LRP1B: variants seen among roughly 807,000 people sequenced by gnomAD.
LRP1B encodes the protein LDL receptor related protein 1B.
A neutral mutation model predicts 556.6 loss-of-function variants in LRP1B; 217 were observed. The ratio of observed to expected loss-of-function variants is 0.39; its 90% CI spans 0.35 to 0.44. LRP1B has a LOEUF of 0.44. LRP1B is among the 20% of genes least tolerant of loss of function. The pLI, the probability that LRP1B is intolerant of heterozygous loss-of-function variation, is 1.00. For missense variants in LRP1B, 5,053 were observed against 5,620.8 expected (o/e 0.90, Z 3.23); for synonymous variants, 2,047 against 1,865.8 (o/e 1.10, Z -2.50).
intron 60 of LRP1B, among the ~76,000 whole-genome samples, chr2:140,466,958 G>C (rs1030375445): frequency 6.6e-6 from 1 of 152,110 alleles, no homozygotes; most frequent in African/African-American, 2.4e-5. Context: ...TTTGATACAA[G>C]TGGTCAAAAA....
intron 1 of LRP1B, among the ~76,000 whole-genome samples, chr2:141,815,311 T>C (rs1428207242): frequency 6.6e-6 from 1 of 152,184 alleles, no homozygotes; most frequent in African/African-American, 2.4e-5. Context: ...GGATTAGTTT[T>C]AGAAATTTGA....
At chr2:141,381,208 A>G (rs1689630589) in intron 3 of LRP1B, among the ~76,000 whole-genome samples, 1 of 152,072 alleles carries the variant, frequency 6.6e-6, no homozygotes, top group Admixed American at 6.6e-5. Flanking sequence ...AAAGCCATGG[A>G]AAATATTAAA....
intron 42 of LRP1B, among the ~76,000 whole-genome samples, chr2:140,599,360 C>T (rs980450190): frequency 6.6e-6 from 1 of 151,940 alleles, no homozygotes; most frequent in Non-Finnish European, 1.5e-5. Context: ...CTGTTTTTTA[C>T]ATTTCTTTTT....
At chr2:140,530,901 G>A (rs1327212660) in intron 47 of LRP1B, among the ~76,000 whole-genome samples, 2 of 151,904 alleles carry the variant, frequency 1.3e-5, no homozygotes, top group Non-Finnish European at 2.9e-5. Context: ...CAAGAGTTTC[G>A]ACTAAAAAAG....
chr2:140,423,763 G>A (rs2105270333), intron 66 of LRP1B, among the ~76,000 whole-genome samples: 1 of 152,126 alleles, frequency 6.6e-6, no homozygotes, highest in Admixed American at 6.5e-5. Context: ...TTCCTAGTAT[G>A]TACCTACAGT....
Position 140,492,612 on chromosome 2 carries a change from T to C in LRP1B, c.9116A>G (p.Lys3039Arg), listed in dbSNP as rs2104862968. Residue 3039 changes from lysine (K) to arginine (R), a missense_variant, in exon 57 of 91, where the codon AAA becomes AGA. Coordinates refer to ENST00000389484, the MANE Select transcript of LRP1B (RefSeq NM_018557.3). Reference sequence around the variant, plus strand: ...GTCATCTTGGGAGTGTCATACCTGTTTTAAAAGTGTGTAGTTGGAGCCATC... The same window carrying C: ...GTCATCTTGGGAGTGTCATACCTGTCTTAAAAGTGTGTAGTTGGAGCCATC... ...STDGSNYTLL[K>R]QGLNNVIAID... is the part of the protein sequence containing the mutation. The C allele has an allele frequency of 6.2e-7, 1 of 1,611,584 alleles. No individual in the cohort carries two copies. Among genetic ancestry groups the C allele is most frequent in the South Asian group, 1.1e-5 (1 of 91,020 alleles).
At chr2:142,077,050 T>G (rs996246956) in intron 1 of LRP1B, among the ~76,000 whole-genome samples, 11 of 152,086 alleles carry the variant, frequency 7.2e-5, no homozygotes, top group Non-Finnish European at 5.9e-5. Context: ...AGATAATATA[T>G]GAATGGCATC....
At chr2:141,164,011 C>T (rs1448832750) in intron 7 of LRP1B, among the ~76,000 whole-genome samples, 2 of 151,956 alleles carry the variant, frequency 1.3e-5, no homozygotes, top group African/African-American at 4.8e-5. Flanking sequence ...CAAAATAAGA[C>T]TTTGAAAAGC....
At chr2:140,252,103 AAAAAAC>A (rs1681463145) in intron 86 of LRP1B, among the ~76,000 whole-genome samples, 1 of 147,416 alleles carries the variant, frequency 6.8e-6, no homozygotes, top group African/African-American at 2.5e-5. Context: ...AAAAAACAAA[AAAAAAC>A]AGAAAAAAAA....
chr2:140,626,909 G>T (rs906450883), intron 41 of LRP1B, among the ~76,000 whole-genome samples: 2 of 152,094 alleles, frequency 1.3e-5, no homozygotes, highest in African/African-American at 4.8e-5. Context: ...GTTATGGTGT[G>T]GCTTCTGAAG....
chr2:141,565,235 A>T (rs1438999464), intron 2 of LRP1B, among the ~76,000 whole-genome samples: 3 of 152,102 alleles, frequency 2.0e-5, no homozygotes, highest in African/African-American at 7.2e-5. Context: ...AACATTTTTT[A>T]TGTTTCTGGC....
chr2:140,524,129 A>AT (rs1210956785), intron 49 of LRP1B, among the ~76,000 whole-genome samples: 1 of 14,894 alleles, frequency 6.7e-5, no homozygotes, highest in Non-Finnish European at 2.5e-4. Flanking sequence ...AATAAGAAAT[A>AT]AAAAAAACAA....
At chr2:141,065,315 A>C (rs554969217) in intron 7 of LRP1B, among the ~76,000 whole-genome samples, 2 of 152,080 alleles carry the variant, frequency 1.3e-5, no homozygotes, top group East Asian at 3.9e-4. Flanking sequence ...ATTCTCTTGC[A>C]TAACCACAGT....
intron 2 of LRP1B, among the ~76,000 whole-genome samples, chr2:141,613,078 G>A (rs149372638): frequency 6.6e-6 from 1 of 152,084 alleles, no homozygotes; most frequent in Admixed American, 6.5e-5. Flanking sequence ...AAAGTGCTGG[G>A]ATTATAGGCA....
intron 43 of LRP1B, among the ~76,000 whole-genome samples, chr2:140,542,655 T>A (rs2105023456): frequency 6.6e-6 from 1 of 152,220 alleles, no homozygotes; most frequent in Admixed American, 6.6e-5. Flanking sequence ...GCATCCACCG[T>A]TTACCAGAGA....
intron 18 of LRP1B, among the ~76,000 whole-genome samples, chr2:140,965,966 T>C (rs949115515): frequency 5.9e-5 from 9 of 152,170 alleles, no homozygotes; most frequent in African/African-American, 2.2e-4. Context: ...TGATGGACAT[T>C]TGGGTTGGTT....
chr2:140,863,178 C>T (rs918622413), intron 27 of LRP1B, among the ~76,000 whole-genome samples: 3 of 151,898 alleles, frequency 2.0e-5, no homozygotes, highest in Admixed American at 6.6e-5. Context: ...ATATGTGTTA[C>T]ACACACACAC....
chr2:140,287,782 A>G (rs543172400), intron 84 of LRP1B, among the ~76,000 whole-genome samples: 7 of 151,834 alleles, frequency 4.6e-5, no homozygotes, highest in African/African-American at 1.7e-4. Context: ...CCCCTGCTAC[A>G]CTGGTTTTTC....
chr2:140,752,892 A>C (rs1688629629), intron 35 of LRP1B, among the ~76,000 whole-genome samples: 1 of 152,116 alleles, frequency 6.6e-6, no homozygotes, highest in Non-Finnish European at 1.5e-5. Flanking sequence ...TGTCACCTAA[A>C]GTCCACACTC....
Sources: allele counts gnomAD v4.1 joint callset (sites outside exome capture counted in the v4.1 genomes callset), GRCh38; gene constraint gnomAD v4.1.1; transcripts MANE v1.5; gene names NCBI Gene and HGNC (gene_info 2026-07-23, HGNC 2026-07-21).